The following NRG3 variants were observed in gnomAD, a reference collection of about 807,000 sequenced individuals.
The protein encoded by NRG3 is pro-neuregulin-3, membrane-bound isoform.
In NRG3, 31 loss-of-function variants were observed where a neutral mutation model predicts 66.9. That is an observed-to-expected ratio of 0.46 (90% CI 0.35 to 0.63). The LOEUF (loss-of-function observed/expected upper bound fraction) is 0.63, where lower values mean the gene tolerates loss of function less well. NRG3 is among the 20% of genes least tolerant of loss of function. The pLI, the probability that NRG3 is intolerant of heterozygous loss-of-function variation, is 0.00. For missense variants in NRG3, 910 were observed against 878.9 expected, an observed-to-expected ratio of 1.04 and a Z score of -0.45; for synonymous variants, 393 against 359.4, an observed-to-expected ratio of 1.09 and a Z score of -1.06.
intron 2 of NRG3, among the ~76,000 whole-genome samples, chr10:82,669,563 A>G (rs1487563233): frequency 1.3e-5 from 2 of 152,132 alleles, no homozygotes; most frequent in Non-Finnish European, 2.9e-5. Flanking sequence ...TCCAAAACAT[A>G]AAGAAACTTT....
intron 1 of NRG3, among the ~76,000 whole-genome samples, chr10:81,984,843 A>T (rs1489307729): frequency 6.6e-6 from 1 of 152,256 alleles, no homozygotes; most frequent in Non-Finnish European, 1.5e-5. Flanking sequence ...AAATGTATTA[A>T]CTGCAAATTC....
chr10:82,506,071 C>A (rs1844643404), intron 2 of NRG3, among the ~76,000 whole-genome samples: 1 of 152,124 alleles, frequency 6.6e-6, no homozygotes, highest in Non-Finnish European at 1.5e-5. Flanking sequence ...CACGGAAAAA[C>A]CCCTTCTCTA....
intron 1 of NRG3, among the ~76,000 whole-genome samples, chr10:82,254,723 C>A (rs568541994): frequency 6.6e-6 from 1 of 151,350 alleles, no homozygotes; most frequent in African/African-American, 2.4e-5. Context: ...CAAAGGGACA[C>A]AGGAGCCAAC....
intron 1 of NRG3, among the ~76,000 whole-genome samples, chr10:82,326,721 C>T (rs1046405167): frequency 3.3e-5 from 5 of 152,122 alleles, no homozygotes; most frequent in Admixed American, 3.3e-4. Context: ...TTTCATCTCT[C>T]ATTTGTTTTC....
chr10:82,270,279 T>C (rs73306607), intron 1 of NRG3, among the ~76,000 whole-genome samples: 2,612 of 152,268 alleles, frequency 0.017, 79 homozygotes, highest in African/African-American at 0.059. Flanking sequence ...ATTTAACTGA[T>C]TGGAACTGTC....
At chr10:82,522,268 C>T (rs1018168780) in intron 2 of NRG3, among the ~76,000 whole-genome samples, 1 of 152,022 alleles carries the variant, frequency 6.6e-6, no homozygotes, top group African/African-American at 2.4e-5. Flanking sequence ...TGGTCTTGGG[C>T]TCCTGACCTC....
At chr10:82,907,031 G>A (rs1051133101) in intron 4 of NRG3, among the ~76,000 whole-genome samples, 1 of 152,178 alleles carries the variant, frequency 6.6e-6, no homozygotes, top group South Asian at 2.1e-4. Flanking sequence ...GTAAACTGCA[G>A]TCAATACAAA....
intron 1 of NRG3, among the ~76,000 whole-genome samples, chr10:82,179,797 T>G (rs1417888011): frequency 6.6e-6 from 1 of 151,924 alleles, no homozygotes; most frequent in African/African-American, 2.4e-5. Flanking sequence ...TGGAAAGGAC[T>G]GCATTGAATC....
At chr10:82,313,682 G>A (rs2081150832) in intron 1 of NRG3, among the ~76,000 whole-genome samples, 1 of 151,830 alleles carries the variant, frequency 6.6e-6, no homozygotes, top group African/African-American at 2.4e-5. Flanking sequence ...TGTGAATATG[G>A]GTTCTGGTTT....
At chr10:82,098,737 T>C (rs2132080585) in intron 1 of NRG3, among the ~76,000 whole-genome samples, 1 of 152,228 alleles carries the variant, frequency 6.6e-6, no homozygotes, top group South Asian at 2.1e-4. Context: ...TTGTGGTTTG[T>C]CTTATTTATT....
At chr10:82,889,715 T>G (rs963096) in intron 4 of NRG3, among the ~76,000 whole-genome samples, 75,526 of 152,044 alleles carry the variant, frequency 0.5, 19,261 homozygotes, top group African/African-American at 0.59. Context: ...AAATATCGCC[T>G]GCCCCAGTCT....
chr10:82,857,894 G>A (rs2063897305), intron 3 of NRG3, among the ~76,000 whole-genome samples: 1 of 152,168 alleles, frequency 6.6e-6, no homozygotes, highest in Admixed American at 6.5e-5. Context: ...AGGATAAAAT[G>A]CTTGAAAAAG....
intron 1 of NRG3, among the ~76,000 whole-genome samples, chr10:81,901,808 A>C (rs1400997828): frequency 1.3e-5 from 2 of 152,240 alleles, no homozygotes; most frequent in East Asian, 3.8e-4. Context: ...GGTTATGAGG[A>C]GAGATTGTGG....
rs1012020082 is a variant in NRG3, at chr10:82,486,732, T to G, written c.953+127864T>G. ...CGGCCACAATGGATACCATGAGATATCATTCAGCCATAAGAATGGAGGAAA... is the reference window on the plus strand; with the variant it reads ...CGGCCACAATGGATACCATGAGATAGCATTCAGCCATAAGAATGGAGGAAA... On this transcript the variant is annotated intron_variant, in intron 2 of 8. Transcript: ENST00000372141. Among the ~76,000 whole-genome samples, 3 of 152,148 alleles carry G rather than the reference T, an allele frequency of 2.0e-5. 1 individual carries two copies. The highest frequency in any genetic ancestry group is 1.3e-4 in the Admixed American group (2 of 15,278).
At chr10:81,973,392 A>C (rs987860172) in intron 1 of NRG3, among the ~76,000 whole-genome samples, 10 of 152,224 alleles carry the variant, frequency 6.6e-5, no homozygotes, top group Non-Finnish European at 1.3e-4. Context: ...GCTTTATAAT[A>C]GAATGATTTA....
chr10:82,825,695 A>T (rs1458646951), intron 3 of NRG3, among the ~76,000 whole-genome samples: 1 of 152,202 alleles, frequency 6.6e-6, no homozygotes, highest in African/African-American at 2.4e-5. Flanking sequence ...GACATTCAAA[A>T]CTTATTATCG....
chr10:81,955,575 A>G (rs1324520255), intron 1 of NRG3, among the ~76,000 whole-genome samples: 1 of 152,180 alleles, frequency 6.6e-6, no homozygotes, highest in Admixed American at 6.5e-5. Flanking sequence ...AATCATGTTC[A>G]CTAGATTTCA....
chr10:82,420,131 G>A (rs7069578), intron 2 of NRG3, among the ~76,000 whole-genome samples: 34,032 of 151,966 alleles, frequency 0.22, 5,756 homozygotes, highest in African/African-American at 0.47. Flanking sequence ...GGCTGCAGTT[G>A]GCCTATAGCT....
intron 5 of NRG3, among the ~76,000 whole-genome samples, chr10:82,953,664 T>C (rs943942241): frequency 2.0e-5 from 3 of 151,924 alleles, no homozygotes. Flanking sequence ...CCTTATAGAA[T>C]TTTGTTAAGG....
Sources: gnomAD v4.1 joint callset for allele counts (sites outside exome capture counted in the v4.1 genomes callset) on GRCh38, gnomAD v4.1.1 for gene constraint, MANE v1.5 for transcripts, NCBI Gene and HGNC (gene_info 2026-07-23, HGNC 2026-07-21) for gene names.